PIBF1: variants seen among roughly 807,000 people sequenced by gnomAD.
PIBF1 encodes progesterone-induced-blocking factor 1.
A neutral mutation model predicts 112.5 loss-of-function variants in PIBF1; 90 were observed. The ratio of observed to expected loss-of-function variants is 0.80; its 90% confidence interval spans 0.67 to 0.95. The LOEUF is 0.95. PIBF1 is among the 40% of genes least tolerant of loss of function. The probability of loss-of-function intolerance (pLI) is 0.00; values close to 1 mark genes in which losing one functional copy is unlikely to be tolerated. For missense variants in PIBF1, 915 were observed against 852.3 expected (o/e 1.07, Z -0.92); for synonymous variants, 301 against 288.6 (o/e 1.04, Z -0.44).
intron 14 of PIBF1, 58 bp from the exon 15 acceptor site, chr13:72,965,216 A>T (rs369378640): frequency 1.4e-6 from 2 of 1,459,142 alleles, no homozygotes; most frequent in South Asian, 2.4e-5. Flanking sequence ...GAGCATTTTG[A>T]ATGATTTTAT....
intron 4 of PIBF1, 150 bp from the exon 5 acceptor site, chr13:72,797,757 A>G (rs917907454): frequency 1.8e-6 from 1 of 548,208 alleles, no homozygotes; most frequent in African/African-American, 2.0e-5. Flanking sequence ...GGCTTGATAG[A>G]AAGTATTAGT....
intron 14 of PIBF1, among the ~76,000 whole-genome samples, chr13:72,964,024 G>A (rs1056764238): frequency 6.6e-6 from 1 of 152,158 alleles, no homozygotes. Context: ...AAGATATACA[G>A]TATTTGTCCA....
At chr13:72,835,588 G>A (rs1182361621) in intron 9 of PIBF1, among the ~76,000 whole-genome samples, 3 of 67,004 alleles carry the variant, frequency 4.5e-5, no homozygotes, top group Non-Finnish European at 8.5e-5. Context: ...TTCCTGTTAT[G>A]TCTTTTTTTT....
intron 5 of PIBF1, among the ~76,000 whole-genome samples, chr13:72,808,029 T>C (rs2035824025): frequency 6.6e-6 from 1 of 152,172 alleles, no homozygotes; most frequent in Admixed American, 6.5e-5. Context: ...CATTACTGAG[T>C]GGTATTACAT....
At chr13:72,984,987 A>C (rs543145466) in intron 16 of PIBF1, among the ~76,000 whole-genome samples, 3 of 152,190 alleles carry the variant, frequency 2.0e-5, no homozygotes, top group South Asian at 2.1e-4. Context: ...GTATTTTCCC[A>C]CTGCATTTTA....
At chr13:72,962,919 A>G (rs1336918938) in intron 14 of PIBF1, among the ~76,000 whole-genome samples, 1 of 152,212 alleles carries the variant, frequency 6.6e-6, no homozygotes, top group Non-Finnish European at 1.5e-5. Flanking sequence ...GTGTGCAACT[A>G]GAATAAGGAT....
In PIBF1 at chr13:72,908,514, T is replaced by G. The variant is rs777521972; in HGVS notation, c.1489-17T>G. 5 of 1,565,498 alleles carry G rather than the reference T, an allele frequency of 3.2e-6. No individual in the cohort carries two copies. In the Admixed American group the frequency reaches 9.5e-5, roughly 30 times the overall value. On this transcript the variant is annotated splice_polypyrimidine_tract_variant and intron_variant, in intron 11 of 17. Coordinates refer to ENST00000326291, the MANE Select transcript of PIBF1 (RefSeq NM_006346.4). ...CTGTTTAATTCTGCCTTTGTAATTC[T>G]TCTCTTTCACTATTAGGTTTTAACC...
intron 13 of PIBF1, among the ~76,000 whole-genome samples, chr13:72,928,120 A>G (rs1382305699): frequency 6.7e-6 from 1 of 149,698 alleles, no homozygotes; most frequent in Non-Finnish European, 1.5e-5. Flanking sequence ...TGTGAACCCC[A>G]TATATACTGG....
At chr13:72,893,756 A>C (rs1427615244) in intron 10 of PIBF1, 28 bp from the exon 11 acceptor site, 4 of 1,409,104 alleles carry the variant, frequency 2.8e-6, no homozygotes, top group South Asian at 3.3e-5. Flanking sequence ...CTTTCTTTAG[A>C]GTGTCATAAC....
At chr13:72,787,184 A>AT (rs2034645183) in intron 2 of PIBF1, among the ~76,000 whole-genome samples, 1 of 152,056 alleles carries the variant, frequency 6.6e-6, no homozygotes, top group Admixed American at 6.5e-5. Context: ...CATGATATAT[A>AT]TTTTTTCACT....
chr13:72,842,238 G>A (rs2037645006), intron 9 of PIBF1, among the ~76,000 whole-genome samples: 1 of 152,094 alleles, frequency 6.6e-6, no homozygotes, highest in African/African-American at 2.4e-5. Flanking sequence ...CTTTATTTAA[G>A]GTGGTCTTGT....
At chr13:72,926,126 G>A (rs919307077) in intron 13 of PIBF1, among the ~76,000 whole-genome samples, 3 of 152,076 alleles carry the variant, frequency 2.0e-5, no homozygotes, top group East Asian at 3.9e-4. Context: ...GCTTTGTACT[G>A]TTTATTAATG....
chr13:72,978,989 G>T (rs373264350), intron 16 of PIBF1, among the ~76,000 whole-genome samples: 1 of 152,126 alleles, frequency 6.6e-6, no homozygotes, highest in East Asian at 1.9e-4. Flanking sequence ...GAGGCTAGGT[G>T]TTCAGCACCA....
chr13:72,862,406 C>G (rs762559014), intron 10 of PIBF1, among the ~76,000 whole-genome samples: 1 of 152,080 alleles, frequency 6.6e-6, no homozygotes, highest in Non-Finnish European at 1.5e-5. Flanking sequence ...GAGTTGAGGA[C>G]CAGCCTAGGT....
At chr13:72,790,185 A>G (rs1260288336) in intron 2 of PIBF1, among the ~76,000 whole-genome samples, 1 of 152,106 alleles carries the variant, frequency 6.6e-6, no homozygotes, top group Non-Finnish European at 1.5e-5. Flanking sequence ...TAAGAGTTAC[A>G]TGTCCTGATT....
Position 72,783,690 on chromosome 13 carries a change from T to C in PIBF1, c.221T>C (p.Ile74Thr). 1 of 1,613,994 alleles carries C rather than the reference T, an allele frequency of 6.2e-7. No individual in the cohort carries two copies. The highest frequency in any genetic ancestry group is 8.5e-7 in the Non-Finnish European group (1 of 1,179,900). Reference sequence around the variant, plus strand: ...GAGCTATCCCAGAAAACTATGATGATCGACAATTTGAAAGTGGATTATCTT... The same window carrying C: ...GAGCTATCCCAGAAAACTATGATGACCGACAATTTGAAAGTGGATTATCTT... Reference protein sequence around the residue: ...KIELSQKTMMIDNLKVDYLTK... With the variant: ...KIELSQKTMMTDNLKVDYLTK... Residue 74 changes from isoleucine (I) to threonine (T), a missense_variant, in exon 2 of 18, where the codon ATC becomes ACC. Coordinates refer to ENST00000326291, the MANE Select transcript of PIBF1 (RefSeq NM_006346.4).
At chr13:72,907,090 T>A (rs1028509090) in intron 11 of PIBF1, among the ~76,000 whole-genome samples, 19 of 152,146 alleles carry the variant, frequency 1.2e-4, no homozygotes, top group African/African-American at 4.6e-4. Context: ...TTGTTTTTTC[T>A]GACCCAACCA....
At chr13:72,983,279 A>G (rs1228197031) in intron 16 of PIBF1, among the ~76,000 whole-genome samples, 1 of 152,210 alleles carries the variant, frequency 6.6e-6, no homozygotes, top group Admixed American at 6.5e-5. Context: ...CAGCCTGGGC[A>G]ACAGAGCGAG....
At chr13:72,965,999 T>C (rs953373337) in intron 15 of PIBF1, among the ~76,000 whole-genome samples, 7 of 152,208 alleles carry the variant, frequency 4.6e-5, no homozygotes, top group African/African-American at 1.4e-4. Context: ...AGAATGAAGA[T>C]ATGTGTAAAT....
Sources: gnomAD v4.1 joint callset for allele counts (sites outside exome capture counted in the v4.1 genomes callset) on GRCh38, gnomAD v4.1.1 for gene constraint, MANE v1.5 for transcripts, NCBI Gene and HGNC (gene_info 2026-07-23, HGNC 2026-07-21) for gene names.